Variants in DNAH10 observed in about 807,000 individuals in gnomAD.
The protein encoded by DNAH10 is axonemal beta dynein heavy chain 10.
Under a neutral mutation model 506.6 loss-of-function variants are expected in DNAH10, and 348 were observed. The ratio of observed to expected loss-of-function variants is 0.69; its 90% confidence interval spans 0.63 to 0.75. The LOEUF (loss-of-function observed/expected upper bound fraction) is 0.75. DNAH10 is among the 30% of genes least tolerant of loss of function. The pLI is 0.00. For synonymous variants in DNAH10, 2,059 were observed against 2,198.6 expected (o/e 0.94, Z 1.78); for missense variants, 5,179 against 5,787.1 (o/e 0.89, Z 3.41).
rs1313910087 is a variant in DNAH10 at position 123,830,599 on chromosome 12, C to T, written c.4445C>T (p.Thr1482Met). 10 of 1,613,556 alleles carry T rather than the reference C, an allele frequency of 6.2e-6. No homozygotes were observed. Among genetic ancestry groups the T allele is most frequent in the Non-Finnish European group, 8.5e-6 (10 of 1,179,806 alleles). Residue 1482 changes from threonine to methionine, a missense_variant, in exon 26 of 79, where the codon ACG (threonine) becomes ATG (methionine). Physicochemically the swap from Thr to Met is moderately conservative, Grantham distance 81. Around this residue, in one of 3 missense-constraint regions of DNAH10, gnomAD observed 4,844 missense variants for 5,430.5 expected, o/e 0.89. Transcript: ENST00000673944. The stretch of plus-strand genomic sequence containing the variant: ...TCTGTCTTTTTTGAAATGACCGAAA[C>T]GTTCACCTTGGAAAATATGTTTGCT... ...KTSVFFEMTE[T>M]FTLENMFAME...
At chr12:123,792,451 C>CTTTTTTTTTT (rs78654407) in intron 11 of DNAH10, among the ~76,000 whole-genome samples, 2 of 133,464 alleles carry the variant, frequency 1.5e-5, no homozygotes, top group Non-Finnish European at 1.6e-5. Flanking sequence ...TTCCTTTGTC[C>CTTTTTTTTTT]TTTTTTTTTT....
intron 24 of DNAH10, among the ~76,000 whole-genome samples, chr12:123,822,853 G>A (rs77249154): frequency 7.2e-5 from 11 of 152,292 alleles, no homozygotes; most frequent in African/African-American, 1.4e-4. Flanking sequence ...CCTTTTGTTC[G>A]ATTCAGGCCT....
At position 123,897,932 on chromosome 12, in the gene DNAH10, C is replaced by G. The variant is rs777769715; in HGVS notation, c.9443C>G (p.Ser3148Ter). 1 of 1,598,594 alleles carries G rather than the reference C, an allele frequency of 6.3e-7. No individual in the cohort carries two copies. Among genetic ancestry groups the G allele is most frequent in the South Asian group, 1.1e-5 (1 of 87,016 alleles). The change falls in exon 55 of 79, where the codon TCA (serine) becomes TGA (stop). Residue 3148 changes from serine to a stop codon, truncating the protein, a stop_gained. Coordinates refer to ENST00000673944, the MANE Select transcript of DNAH10 (RefSeq NM_001372106.1). LOFTEE classifies it high-confidence loss of function. ...KNYLDFINTY[S>*]KLLDEKTQCN... ...TACCTTGATTTTATTAACACCTATT[C>G]AAAATTGCTGGATGAGAAAACTCAG...
intron 35 of DNAH10, among the ~76,000 whole-genome samples, chr12:123,851,566 G>C (rs1951178645): frequency 6.6e-6 from 1 of 152,220 alleles, no homozygotes; most frequent in African/African-American, 2.4e-5. Flanking sequence ...CCTTCCCCAT[G>C]AGAACATCTC....
Position 123,824,542 on chromosome 12 carries a change from T to C in DNAH10, c.4180-2145T>C, listed in dbSNP as rs185397640. On this transcript the variant is annotated intron_variant, in intron 24 of 78. Coordinates refer to ENST00000673944, the MANE Select transcript of DNAH10 (RefSeq NM_001372106.1). ...ATGATTATGAATACATGGTTGTGAATACAGACCAGGAGGCTGAAAACAACA... is the reference window on the plus strand; with the variant it reads ...ATGATTATGAATACATGGTTGTGAACACAGACCAGGAGGCTGAAAACAACA... Among the ~76,000 whole-genome samples, 163 of 152,242 alleles carry C rather than the reference T, an allele frequency of 1.1e-3. 1 individual carries two copies. The highest frequency in any genetic ancestry group is 3.1e-3 in the African/African-American group (127 of 41,530).
At chr12:123,845,359 G>T (rs956441771) in intron 30 of DNAH10, among the ~76,000 whole-genome samples, 1 of 152,112 alleles carries the variant, frequency 6.6e-6, no homozygotes, top group Admixed American at 6.5e-5. Context: ...AACATTTTTT[G>T]TGGAGAGAGG....
intron 54 of DNAH10, among the ~76,000 whole-genome samples, chr12:123,896,148 C>CACACAGAGAGAGAGAGAGAG (rs1383690518): frequency 3.1e-5 from 3 of 95,324 alleles, no homozygotes; most frequent in Non-Finnish European, 3.9e-5. Context: ...CACACACACA[C>CACACAGAGAGAGAGAGAGAG]AGAGAGAGAG....
At chr12:123,792,569 C>T (rs1958121353) in intron 11 of DNAH10, among the ~76,000 whole-genome samples, 1 of 149,746 alleles carries the variant, frequency 6.7e-6, no homozygotes, top group Non-Finnish European at 1.5e-5. Context: ...AAGCAATTCT[C>T]TTGCCTTGGC....
chr12:123,796,834 T>A lies in DNAH10; in HGVS notation c.2163+2T>A, dbSNP rs539668256. 5.7e-6 allele frequency: 9 copies of A among 1,591,404 alleles called. No homozygotes were observed. The highest frequency in any genetic ancestry group is 1.8e-5 in the Admixed American group (1 of 54,802). On this transcript the variant is annotated splice_donor_variant, in intron 13 of 78. Transcript: ENST00000673944. LOFTEE classifies it high-confidence loss of function. ...CTGGACAGTGATCGAGGACAGGAGG[T>A]ATGTTGCTCTTGCTAGAATTGGCTC... is the stretch of plus-strand genomic sequence containing the variant.
Position 123,864,698 on chromosome 12 carries a change from C to T in DNAH10, c.7012C>T (p.Arg2338Trp), listed in dbSNP as rs368934342. 3.5e-5 allele frequency: 57 copies of T among 1,613,910 alleles called. No individual in the cohort carries two copies. The highest frequency in any genetic ancestry group is 2.0e-4 in the African/African-American group (15 of 75,010). Residue 2338 changes from arginine to tryptophan, a missense_variant, in exon 40 of 79, where the codon CGG (arginine) becomes TGG (tryptophan). Physicochemically the swap from Arg to Trp is moderately radical, Grantham distance 101 (BLOSUM62 -3). Coordinates refer to ENST00000673944, the MANE Select transcript of DNAH10 (RefSeq NM_001372106.1). ...LLTLANGERI[R>W]LQAHCALLFE... is the part of the protein sequence containing the mutation. ...GACATTGGCCAACGGGGAACGCATC[C>T]GGCTCCAAGCACACTGTGCCCTGCT...
At chr12:123,799,454 A>G in intron 14 of DNAH10, 83 bp downstream of exon 14, 4 of 1,501,972 alleles carry the variant, frequency 2.7e-6, no homozygotes, top group Non-Finnish European at 3.6e-6. Context: ...ATTTGTTGAC[A>G]TTCATGAAGT....
chr12:123,777,711 G>T lies in DNAH10; in HGVS notation c.622-3369G>T, dbSNP rs144895798. ...CCTAGGCTGGAGTGCAGTGGCGCGAGCATGGCTCACTGCAGCCTTAACCTC... is the reference window on the plus strand; with the variant it reads ...CCTAGGCTGGAGTGCAGTGGCGCGATCATGGCTCACTGCAGCCTTAACCTC... On this transcript the variant is annotated intron_variant, in intron 5 of 78. Transcript: ENST00000673944. 3.8e-3 allele frequency among the ~76,000 whole-genome samples: 581 copies of T among 152,248 alleles called. 10 individuals are homozygous for T. The highest frequency in any genetic ancestry group is 0.013 in the African/African-American group (545 of 41,542).
At chr12:123,851,434 T>C (rs569657184) in intron 35 of DNAH10, among the ~76,000 whole-genome samples, 1 of 152,338 alleles carries the variant, frequency 6.6e-6, no homozygotes, top group Non-Finnish European at 1.5e-5. Context: ...TTTTTGTTTT[T>C]TTTTTCTGCT....
chr12:123,763,875 T>C (rs1409825364), intron 1 of DNAH10, among the ~76,000 whole-genome samples: 1 of 150,522 alleles, frequency 6.6e-6, no homozygotes, highest in Non-Finnish European at 1.5e-5. Flanking sequence ...ACTTCTTTTT[T>C]TTTTTTTTGA....
intron 25 of DNAH10, among the ~76,000 whole-genome samples, chr12:123,829,343 A>G (rs1311193355): frequency 2.0e-5 from 3 of 147,226 alleles, no homozygotes; most frequent in African/African-American, 8.1e-5. Flanking sequence ...CAAAAAGGCC[A>G]CCTCTGGGGC....
chr12:123,814,190 G>T (rs1959056914), intron 21 of DNAH10: 1 of 247,588 alleles, frequency 4.0e-6, no homozygotes, highest in Non-Finnish European at 7.5e-6. Flanking sequence ...TCCTTTAATA[G>T]ATAAAGAGCT....
intron 33 of DNAH10, 54 bp downstream of exon 33, chr12:123,848,149 C>T (rs1951029684): frequency 3.8e-6 from 6 of 1,568,928 alleles, no homozygotes; most frequent in Middle Eastern, 1.9e-4. Context: ...GAGCTTAAAG[C>T]AGGACATGGC....
intron 13 of DNAH10, among the ~76,000 whole-genome samples, chr12:123,797,385 C>CTTTTCT (rs1218768397): frequency 2.7e-5 from 4 of 146,420 alleles, no homozygotes; most frequent in Admixed American, 6.7e-5. Flanking sequence ...CCTTCTTTTT[C>CTTTTCT]TTTTCTTTTT....
intron 38 of DNAH10, among the ~76,000 whole-genome samples, chr12:123,859,665 G>A (rs978782554): frequency 3.9e-5 from 6 of 152,238 alleles, no homozygotes; most frequent in East Asian, 1.9e-4. Context: ...TCACCTCCCC[G>A]GGTGCCTTAT....
Sources: allele counts gnomAD v4.1 joint callset (sites outside exome capture counted in the v4.1 genomes callset), GRCh38; gene constraint gnomAD v4.1.1; regional missense constraint gnomAD v4.1.1; transcripts MANE v1.5; gene names NCBI Gene and HGNC (gene_info 2026-07-23, HGNC 2026-07-21).